Variants in ZNF385D observed in about 807,000 individuals in gnomAD.
ZNF385D encodes zinc finger protein 385D, also known as zinc finger protein 659.
Under a neutral mutation model 35.8 loss-of-function variants are expected in ZNF385D, and 15 were observed. That is an observed-to-expected ratio of 0.42 (90% confidence interval 0.28 to 0.64). The LOEUF (loss-of-function observed/expected upper bound fraction) is 0.64. Ranked by LOEUF, ZNF385D falls within the 30% of genes least tolerant of loss-of-function variation. ZNF385D has a pLI of 0.23. For missense variants in ZNF385D, 474 were observed against 494.6 expected, an observed-to-expected ratio of 0.96 and a Z score of 0.39; for synonymous variants, 212 against 186.8, an observed-to-expected ratio of 1.13 and a Z score of -1.10.
In ZNF385D at chr3:21,969,671, T is replaced by A. The variant is rs569551211; in HGVS notation, c.325+199146A>T. The stretch of plus-strand genomic sequence containing the variant: ...GAAACGAAGCTGGCTGGATTCACCA[T>A]CTGCTTATTGTAGGGTCCTTGGGCT... On this transcript the variant is annotated intron_variant, in intron 3 of 5. Transcript: ENST00000494108. Among the ~76,000 whole-genome samples, 5 of 152,218 alleles carry A rather than the reference T, an allele frequency of 3.3e-5. No homozygotes were observed. In the East Asian group the frequency reaches 9.7e-4, roughly 30 times the overall value.
At chr3:21,568,056 T>TTAGTTA (rs1553614388) in intron 2 of ZNF385D, among the ~76,000 whole-genome samples, 2 of 151,448 alleles carry the variant, frequency 1.3e-5, no homozygotes, top group Non-Finnish European at 2.9e-5. Flanking sequence ...CCAGAATAGT[T>TTAGTTA]AAAAAAAAAC....
chr3:22,111,814 G>C (rs62246425), intron 3 of ZNF385D, among the ~76,000 whole-genome samples: 36,080 of 152,004 alleles, frequency 0.24, 4,943 homozygotes, highest in Middle Eastern at 0.36. Flanking sequence ...GTGAAACATA[G>C]AGCTAACTCA....
At chr3:22,232,660 T>C (rs1291158705) in intron 2 of ZNF385D, among the ~76,000 whole-genome samples, 2 of 152,190 alleles carry the variant, frequency 1.3e-5, no homozygotes, top group Non-Finnish European at 2.9e-5. Flanking sequence ...GTTATTGTGA[T>C]AGTTTGCTGA....
At chr3:21,696,174 G>C (rs563685907) in intron 1 of ZNF385D, among the ~76,000 whole-genome samples, 1 of 152,198 alleles carries the variant, frequency 6.6e-6, no homozygotes, top group Non-Finnish European at 1.5e-5. Flanking sequence ...AGAGAAGACT[G>C]AGGACTGATC....
intron 3 of ZNF385D, among the ~76,000 whole-genome samples, chr3:22,098,904 T>G (rs181941945): frequency 1.1e-3 from 162 of 152,186 alleles, no homozygotes; most frequent in African/African-American, 3.6e-3. Context: ...TGGCATTATT[T>G]ATCAAAAGTT....
At chr3:22,061,235 A>G (rs1699670256) in intron 3 of ZNF385D, among the ~76,000 whole-genome samples, 1 of 152,214 alleles carries the variant, frequency 6.6e-6, no homozygotes. Context: ...AGCATAAAGT[A>G]TGAAGAAAAG....
At chr3:21,616,842 A>G (rs2064861143) in intron 2 of ZNF385D, among the ~76,000 whole-genome samples, 1 of 152,210 alleles carries the variant, frequency 6.6e-6, no homozygotes, top group Admixed American at 6.5e-5. Flanking sequence ...TGAAGCTGGG[A>G]CTTCAGTGTT....
intron 2 of ZNF385D, among the ~76,000 whole-genome samples, chr3:22,170,275 T>C (rs772071378): frequency 6.6e-6 from 1 of 152,232 alleles, no homozygotes; most frequent in Non-Finnish European, 1.5e-5. Flanking sequence ...AAAGTGGTCC[T>C]TGCAATTATA....
At chr3:22,086,831 G>C (rs1270334745) in intron 3 of ZNF385D, among the ~76,000 whole-genome samples, 2 of 152,062 alleles carry the variant, frequency 1.3e-5, no homozygotes, top group Non-Finnish European at 2.9e-5. Flanking sequence ...ACTATTGCAA[G>C]GACAGAAAAC....
rs536472007 is a variant in ZNF385D at position 22,250,381 on chromosome 3, G to T, written c.107-81346C>A. ...TGAATGACATAATTTTTTAAAAGGT[G>T]TATTTCTGCTTATCAACCTCCCTAA... On this transcript the variant is annotated intron_variant, in intron 2 of 5. Transcript: ENST00000494108. Among the ~76,000 whole-genome samples, 3 of 152,006 alleles carry T rather than the reference G, an allele frequency of 2.0e-5. No individual in the cohort carries two copies. In the East Asian group the frequency reaches 5.8e-4, roughly 29 times the overall value.
At chr3:22,261,170 A>G (rs76935694) in intron 2 of ZNF385D, among the ~76,000 whole-genome samples, 1 of 151,730 alleles carries the variant, frequency 6.6e-6, no homozygotes, top group African/African-American at 2.4e-5. Flanking sequence ...TAGCCTCTCA[A>G]ATTTGTTGTT....
chr3:21,762,413 T>A (rs1341522615), intron 3 of ZNF385D, among the ~76,000 whole-genome samples: 5 of 152,108 alleles, frequency 3.3e-5, no homozygotes, highest in African/African-American at 1.2e-4. Context: ...ATGCTGCTCA[T>A]CCTCAAGTGA....
At chr3:21,645,568 AGAGTTGGTAAATT>A (rs1470913840) in intron 2 of ZNF385D, among the ~76,000 whole-genome samples, 1 of 152,198 alleles carries the variant, frequency 6.6e-6, no homozygotes, top group Non-Finnish European at 1.5e-5. Flanking sequence ...TGAGAAAAAT[AGAGTTGGTAAATT>A]AGCTACTTGG....
rs1405454999 is a variant in ZNF385D, at chr3:22,040,462, A to C, written c.325+128355T>G. Reference sequence around the variant, plus strand: ...GTTGCAAGCCCAGCAATGTGACTCCAAAGGCTACAGTCCTGATGGGTGATA... The same window carrying C: ...GTTGCAAGCCCAGCAATGTGACTCCCAAGGCTACAGTCCTGATGGGTGATA... On this transcript the variant is annotated intron_variant, in intron 3 of 5. Transcript: ENST00000494108. 2.0e-5 allele frequency among the ~76,000 whole-genome samples: 3 copies of C among 152,294 alleles called. No homozygotes were observed. In the East Asian group the frequency reaches 5.8e-4, roughly 29 times the overall value.
At chr3:21,835,364 C>A (rs1469361101) in intron 3 of ZNF385D, among the ~76,000 whole-genome samples, 1 of 151,582 alleles carries the variant, frequency 6.6e-6, no homozygotes, top group Non-Finnish European at 1.5e-5. Flanking sequence ...GTAAAATTTG[C>A]TTAGGATGAG....
chr3:21,900,378 C>T (rs980349395), intron 3 of ZNF385D, among the ~76,000 whole-genome samples: 12 of 151,954 alleles, frequency 7.9e-5, no homozygotes, highest in Admixed American at 5.2e-4. Context: ...AAGCAACCTA[C>T]CCAGCTTCAA....
At chr3:21,547,930 G>A (rs989911715) in intron 3 of ZNF385D, among the ~76,000 whole-genome samples, 13 of 152,064 alleles carry the variant, frequency 8.5e-5, no homozygotes, top group Admixed American at 2.0e-4. Context: ...TCTTTAGATG[G>A]AGGAATGAGA....
At chr3:22,296,030 G>A (rs1404421154) in intron 2 of ZNF385D, among the ~76,000 whole-genome samples, 1 of 152,086 alleles carries the variant, frequency 6.6e-6, no homozygotes, top group Non-Finnish European at 1.5e-5. Flanking sequence ...CCTTTGCATG[G>A]CCCAGGGAAA....
chr3:21,494,648 T>G (rs1705687877), intron 4 of ZNF385D, among the ~76,000 whole-genome samples: 1 of 152,176 alleles, frequency 6.6e-6, no homozygotes, highest in African/African-American at 2.4e-5. Context: ...TATCTGTAAA[T>G]TTAAGAACAT....
Sources: gnomAD v4.1 joint callset for allele counts (sites outside exome capture counted in the v4.1 genomes callset) on GRCh38, gnomAD v4.1.1 for gene constraint, MANE v1.5 for transcripts, NCBI Gene and HGNC (gene_info 2026-07-23, HGNC 2026-07-21) for gene names.